The following PDZD2 variants were observed in gnomAD, a reference collection of about 807,000 sequenced individuals.
The protein encoded by PDZD2 is PDZ domain containing 2.
PDZD2 carries 90 observed loss-of-function variants against 220.7 expected under a neutral mutation model. The observed-to-expected ratio is 0.41, with a 90% confidence interval of 0.34 to 0.49. The LOEUF is 0.49. PDZD2 is among the 20% of genes least tolerant of loss of function. The pLI is 0.28. For missense variants in PDZD2, 3,174 were observed against 3,608.5 expected (o/e 0.88, Z 3.08); for synonymous variants, 1,375 against 1,450.5 (o/e 0.95, Z 1.18).
intron 2 of PDZD2, among the ~76,000 whole-genome samples, chr5:31,888,923 A>G (rs1740764774): frequency 6.6e-6 from 1 of 152,164 alleles, no homozygotes; most frequent in Non-Finnish European, 1.5e-5. Context: ...TTCCCAGTCA[A>G]GATACCCTCA....
At chr5:31,681,595 TATA>T (rs1401170896) in intron 1 of PDZD2, among the ~76,000 whole-genome samples, 2 of 151,752 alleles carry the variant, frequency 1.3e-5, no homozygotes, top group African/African-American at 4.8e-5. Context: ...ATATAATATA[TATA>T]ATATGTGCGT....
chr5:31,917,811 C>T (rs535581368), intron 2 of PDZD2, among the ~76,000 whole-genome samples: 3 of 152,238 alleles, frequency 2.0e-5, no homozygotes, highest in East Asian at 3.9e-4. Context: ...GGCGCGATCT[C>T]GGCTCACTGC....
intron 1 of PDZD2, among the ~76,000 whole-genome samples, chr5:31,680,734 C>T (rs938350796): frequency 6.6e-6 from 1 of 152,138 alleles, no homozygotes; most frequent in Non-Finnish European, 1.5e-5. Flanking sequence ...TATTCCACTG[C>T]CCTCTGGAAA....
At chr5:31,827,704 TA>T (rs773779054) in intron 2 of PDZD2, among the ~76,000 whole-genome samples, 1 of 146,284 alleles carries the variant, frequency 6.8e-6, no homozygotes, top group African/African-American at 2.5e-5. Flanking sequence ...AAAAAATAAA[TA>T]AATAAAAAAA....
chr5:31,696,827 T>C (rs1747399263), intron 1 of PDZD2, among the ~76,000 whole-genome samples: 1 of 152,180 alleles, frequency 6.6e-6, no homozygotes, highest in African/African-American at 2.4e-5. Context: ...GGGACAGCTT[T>C]AGGTACGCTG....
intron 5 of PDZD2, among the ~76,000 whole-genome samples, chr5:32,003,562 A>G (rs2112035300): frequency 6.6e-6 from 1 of 151,858 alleles, no homozygotes; most frequent in South Asian, 2.1e-4. Context: ...GTCTGCAGAG[A>G]ACGCGTGTTT....
chr5:31,770,368 T>A (rs1406455500), intron 1 of PDZD2, among the ~76,000 whole-genome samples: 1 of 152,172 alleles, frequency 6.6e-6, no homozygotes, highest in East Asian at 1.9e-4. Context: ...GGATTCCCCA[T>A]ATGTGCTTCA....
chr5:31,881,682 A>G (rs559432407), intron 2 of PDZD2, among the ~76,000 whole-genome samples: 2 of 114,044 alleles, frequency 1.8e-5, no homozygotes, highest in East Asian at 4.4e-4. Flanking sequence ...CGGGGCATGC[A>G]TATACATAAT....
chr5:32,053,928 C>T (rs1738834885), intron 10 of PDZD2, 45 bp downstream of exon 10: 5 of 1,080,682 alleles, frequency 4.6e-6, no homozygotes, highest in South Asian at 3.8e-5. Flanking sequence ...GACTTTGATC[C>T]CATGAGAATC....
chr5:31,917,841 C>A (rs554325340), intron 2 of PDZD2, among the ~76,000 whole-genome samples: 2 of 152,282 alleles, frequency 1.3e-5, no homozygotes, highest in East Asian at 3.9e-4. Context: ...CTCCCAGGTT[C>A]AATCAATTCT....
chr5:31,866,566 C>G (rs1229833707), intron 2 of PDZD2, among the ~76,000 whole-genome samples: 1 of 152,148 alleles, frequency 6.6e-6, no homozygotes, highest in Non-Finnish European at 1.5e-5. Flanking sequence ...TTAAAGGCAT[C>G]ATACCACAAG....
chr5:31,887,825 A>G (rs1580998456), intron 2 of PDZD2, among the ~76,000 whole-genome samples: 1 of 139,968 alleles, frequency 7.1e-6, no homozygotes, highest in Admixed American at 7.2e-5. Flanking sequence ...TGTGCGGGGG[A>G]GGGGGGGAAC....
At chr5:31,770,361 T>G (rs1752270222) in intron 1 of PDZD2, among the ~76,000 whole-genome samples, 1 of 152,176 alleles carries the variant, frequency 6.6e-6, no homozygotes, top group Admixed American at 6.5e-5. Flanking sequence ...TTGAATAGGA[T>G]TCCCCATATG....
intron 1 of PDZD2, among the ~76,000 whole-genome samples, chr5:31,745,829 T>G (rs1750577549): frequency 6.9e-6 from 1 of 145,450 alleles, no homozygotes; most frequent in African/African-American, 2.5e-5. Flanking sequence ...TTTTTTTTGC[T>G]AATATTAAGA....
At chr5:31,877,182 C>T (rs1739377495) in intron 2 of PDZD2, among the ~76,000 whole-genome samples, 1 of 152,060 alleles carries the variant, frequency 6.6e-6, no homozygotes, top group African/African-American at 2.4e-5. Context: ...AGTTTAGATT[C>T]ATTAGTACTT....
chr5:31,640,161 C>G (rs1744894421), intron 1 of PDZD2, among the ~76,000 whole-genome samples: 1 of 152,144 alleles, frequency 6.6e-6, no homozygotes, highest in Non-Finnish European at 1.5e-5. Context: ...TTTGGAAAAT[C>G]CATTAAAGCG....
rs557924676 is a variant in PDZD2, at chr5:31,835,220, ATG to A, written c.476+35501_476+35502del. ...TAGTGGAGCTGAAAGGTGGTCACTG[ATG>A]TGTGGGCATCATTGAGATGAGATCA... On this transcript the variant is annotated intron_variant, in intron 2 of 24. Transcript: ENST00000438447. 5.7e-4 allele frequency among the ~76,000 whole-genome samples: 87 copies of A among 152,298 alleles called. 1 individual carries two copies. The highest frequency in any genetic ancestry group is 4.9e-3 in the Admixed American group (75 of 15,296).
chr5:31,990,350 A>G lies in PDZD2; in HGVS notation c.979-5226A>G, dbSNP rs553801308. On this transcript the variant is annotated intron_variant, in intron 3 of 24. Transcript: ENST00000438447. ...ACTCACGCAGTAATTGGCAGTTTACAGGAAAGGGTAACACTCCAACAACAT... is the reference window on the plus strand; with the variant it reads ...ACTCACGCAGTAATTGGCAGTTTACGGGAAAGGGTAACACTCCAACAACAT... Among the ~76,000 whole-genome samples the G allele has an allele frequency of 2.0e-5, 3 of 152,360 alleles. No individual in the cohort carries two copies. In the East Asian group the frequency reaches 5.8e-4, roughly 29 times the overall value.
At chr5:31,720,708 A>G (rs1236756756) in intron 1 of PDZD2, among the ~76,000 whole-genome samples, 3 of 152,120 alleles carry the variant, frequency 2.0e-5, no homozygotes, top group East Asian at 3.9e-4. Flanking sequence ...AGCAAGTCCT[A>G]TCTGTGTAAC....
Sources: gnomAD v4.1 joint callset for allele counts (sites outside exome capture counted in the v4.1 genomes callset) on GRCh38, gnomAD v4.1.1 for gene constraint, MANE v1.5 for transcripts, NCBI Gene and HGNC (gene_info 2026-07-23, HGNC 2026-07-21) for gene names.